Variants in CDH22 observed in about 807,000 individuals in gnomAD.
The protein encoded by CDH22 is cadherin-22.
A neutral mutation model predicts 58.4 loss-of-function variants in CDH22; 30 were observed. The observed-to-expected ratio is 0.51, with a 90% confidence interval of 0.38 to 0.70. CDH22 has a LOEUF of 0.70. Ranked by LOEUF, CDH22 falls within the 30% of genes least tolerant of loss-of-function variation. The pLI is 0.00. For missense variants in CDH22, 1,014 were observed against 1,233.9 expected (o/e 0.82, Z 2.67); for synonymous variants, 513 against 558.2 (o/e 0.92, Z 1.14).
chr20:46,186,703 G>T lies in CDH22; in HGVS notation c.1548C>A (p.Leu516=), dbSNP rs976669796. ...AVCEDAKPGQ[L]IQTISVVDRD... ...TGTCCACCACGCTGATGGTCTGGAT[G>T]AGCTGAAGGGTGAGGAGGGGATAGA... The change falls in exon 10 of 12, where the codon CTC becomes CTA. Residue 516 remains leucine (L), a splice_region_variant and synonymous_variant. Transcript: ENST00000537909. 3.7e-6 allele frequency: 6 copies of T among 1,613,542 alleles called. No individual in the cohort carries two copies. In the African/African-American group the frequency reaches 5.3e-5, roughly 14 times the overall value.
intron 1 of CDH22, among the ~76,000 whole-genome samples, chr20:46,256,892 G>A (rs1195128725): frequency 6.6e-6 from 1 of 151,940 alleles, no homozygotes; most frequent in East Asian, 1.9e-4. Context: ...TGTAGTCCCA[G>A]CTACTTGGGA....
intron 3 of CDH22, among the ~76,000 whole-genome samples, chr20:46,227,929 T>A (rs1390347168): frequency 6.6e-6 from 1 of 150,790 alleles, no homozygotes; most frequent in African/African-American, 2.5e-5. Flanking sequence ...TGTTTCCTCT[T>A]CAGCAAAGTG....
At chr20:46,219,421 A>C (rs914524059) in intron 4 of CDH22, among the ~76,000 whole-genome samples, 3 of 152,152 alleles carry the variant, frequency 2.0e-5, no homozygotes, top group Non-Finnish European at 4.4e-5. Flanking sequence ...CACCATACTG[A>C]CTTAAATGAC....
intron 8 of CDH22, among the ~76,000 whole-genome samples, chr20:46,190,642 T>C (rs552526401): frequency 6.6e-6 from 1 of 152,370 alleles, no homozygotes; most frequent in East Asian, 1.9e-4. Flanking sequence ...TCAGGCAAAA[T>C]TACATTCAAT....
chr20:46,216,725 T>G lies in CDH22; in HGVS notation c.838+101A>C. 12 of 1,100,488 alleles carry G rather than the reference T, an allele frequency of 1.1e-5. No homozygotes were observed. Among genetic ancestry groups the G allele is most frequent in the Non-Finnish European group, 1.2e-5 (9 of 751,428 alleles). The allele number at this position is 1,100,488 out of a possible 1,614,324, so 68.2% of individuals were successfully genotyped here. ...CAGAAAGAGAGGGGGAAGCCCTTCT[T>G]TTGGTGGGAAGTCTAAAGGGAAGCT... On this transcript the variant is annotated intron_variant, in intron 5 of 11. Transcript: ENST00000537909. This position sits in a 1 kb window ranked among gnomAD's most constrained non-coding sequence, Gnocchi z 5.3.
intron 1 of CDH22, among the ~76,000 whole-genome samples, chr20:46,260,203 T>C (rs1568676757): frequency 6.6e-6 from 1 of 152,210 alleles, no homozygotes; most frequent in Non-Finnish European, 1.5e-5. Context: ...GTTTTCTGCA[T>C]GTGGAAATAG....
chr20:46,192,041 C>T (rs906083752), intron 8 of CDH22, among the ~76,000 whole-genome samples: 3 of 152,186 alleles, frequency 2.0e-5, no homozygotes, highest in Non-Finnish European at 4.4e-5. Flanking sequence ...TCCATGTGCC[C>T]TTTGCCATCC....
intron 3 of CDH22, among the ~76,000 whole-genome samples, chr20:46,236,235 G>A (rs1009773217): frequency 1.3e-5 from 2 of 151,916 alleles, no homozygotes; most frequent in Non-Finnish European, 2.9e-5. Flanking sequence ...CGCTGGGGGG[G>A]ACAAGGGCAG....
rs144192452 is a variant in CDH22 at position 46,296,435 on chromosome 20, G to C, written c.-400+11820C>G. On this transcript the variant is annotated intron_variant, in intron 1 of 11. Coordinates refer to ENST00000537909, the MANE Select transcript of CDH22 (RefSeq NM_021248.3). ...AGCTAAAATGTATCCAACAGGGATT[G>C]GTGCCCAGATCTGCCTGTCTCTGAC... is the stretch of plus-strand genomic sequence containing the variant. Among the ~76,000 whole-genome samples the C allele has an allele frequency of 3.3e-3, 502 of 152,330 alleles. 5 individuals carry two copies. Among genetic ancestry groups the C allele is most frequent in the Admixed American group, 0.018 (280 of 15,294 alleles).
At chr20:46,200,372 T>G (rs2145672387) in intron 7 of CDH22, among the ~76,000 whole-genome samples, 1 of 148,906 alleles carries the variant, frequency 6.7e-6, no homozygotes, top group Admixed American at 6.7e-5. Context: ...TCTCCTGGGC[T>G]CAAGCCATCC....
In CDH22 at chr20:46,223,805, C is replaced by CCTTT. The variant is rs1341792896; in HGVS notation, c.670+3699_670+3702dup. On this transcript the variant is annotated intron_variant, in intron 4 of 11. Transcript: ENST00000537909. ...TCTTTCTTTTTCTTTCTTTCTTCTTCCTTTCTTCCTTTCTTCCTTCCTTCC... is the reference window on the plus strand; with the variant it reads ...TCTTTCTTTTTCTTTCTTTCTTCTTCCTTTCTTTCTTCCTTTCTTCCTTCCTTCC... 1.5e-3 allele frequency among the ~76,000 whole-genome samples: 42 copies of CCTTT among 28,646 alleles called. 1 individual carries two copies. The highest frequency in any genetic ancestry group is 5.4e-3 in the African/African-American group (42 of 7,818). 18.8% of individuals were successfully genotyped at this position (28,646 alleles called of 152,430 possible). A position where few individuals can be genotyped will look rare whatever the true frequency, so the allele number is the denominator to read the frequency against.
Position 46,308,299 on chromosome 20 carries a change from A to C in CDH22, c.-444T>G. The C allele has an allele frequency of 6.2e-6, 1 of 162,444 alleles. No homozygotes were observed. Among genetic ancestry groups the C allele is most frequent in the Non-Finnish European group, 1.3e-5 (1 of 75,086 alleles). 10.1% of individuals were successfully genotyped at this position (162,444 alleles called of 1,614,324 possible). On this transcript the variant is annotated 5_prime_UTR_variant, in exon 1 of 12. Transcript: ENST00000537909. This position sits in a 1 kb window ranked among gnomAD's most constrained non-coding sequence, Gnocchi z 4.3. ...CTCCCCCTAGTCCTGCCGCCTCGGG[A>C]CGCTGCGTGGGGCGGGAGCCCCGGC...
intron 1 of CDH22, among the ~76,000 whole-genome samples, chr20:46,262,338 G>A (rs1411010036): frequency 1.3e-5 from 2 of 152,024 alleles, no homozygotes; most frequent in Non-Finnish European, 2.9e-5. Context: ...GATCAGAGCT[G>A]GGGTCTTATG....
At chr20:46,233,243 C>T (rs1471748988) in intron 3 of CDH22, among the ~76,000 whole-genome samples, 1 of 152,134 alleles carries the variant, frequency 6.6e-6, no homozygotes, top group African/African-American at 2.4e-5. Context: ...GAAACACCCT[C>T]CCCTCCTCAC....
chr20:46,198,085 G>A (rs111962468), intron 8 of CDH22, among the ~76,000 whole-genome samples: 1 of 152,144 alleles, frequency 6.6e-6, no homozygotes, highest in African/African-American at 2.4e-5. Flanking sequence ...GGCTGATGGG[G>A]TAGAGAAGCT....
chr20:46,229,177 G>A (rs1205532725), intron 3 of CDH22, among the ~76,000 whole-genome samples: 2 of 152,088 alleles, frequency 1.3e-5, no homozygotes, highest in Non-Finnish European at 2.9e-5. Flanking sequence ...AGCTCCAGGT[G>A]CCTCTTGCTG....
chr20:46,250,846 G>A (rs115494923), intron 2 of CDH22, among the ~76,000 whole-genome samples, 194 bp downstream of exon 2: 2,152 of 152,340 alleles, frequency 0.014, 25 homozygotes, highest in African/African-American at 0.031. Flanking sequence ...AAAGGGAGGG[G>A]AAGGAGAGGA....
chr20:46,287,090 T>A (rs2086579973), intron 1 of CDH22, among the ~76,000 whole-genome samples: 1 of 152,134 alleles, frequency 6.6e-6, no homozygotes, highest in Non-Finnish European at 1.5e-5. Context: ...TGGAATTTAA[T>A]ATCAAGCAGA....
chr20:46,256,600 G>A (rs1258741990), intron 1 of CDH22, among the ~76,000 whole-genome samples: 1 of 152,166 alleles, frequency 6.6e-6, no homozygotes, highest in South Asian at 2.1e-4. Flanking sequence ...AGAGAGTGTG[G>A]GGGTGGAGTC....
Sources: allele counts gnomAD v4.1 joint callset (sites outside exome capture counted in the v4.1 genomes callset), GRCh38; gene constraint gnomAD v4.1.1; non-coding constraint Gnocchi (gnomAD v3.1); transcripts MANE v1.5; gene names NCBI Gene and HGNC (gene_info 2026-07-23, HGNC 2026-07-21).